The following LPIN1 variants were observed in gnomAD, a reference collection of about 807,000 sequenced individuals.
LPIN1 encodes phosphatidate phosphatase LPIN1.
In LPIN1, 71 loss-of-function variants were observed where a neutral mutation model predicts 107.5. That is an observed-to-expected ratio of 0.66 (90% CI 0.55 to 0.80). The LOEUF (loss-of-function observed/expected upper bound fraction) is 0.80, where lower values mean the gene tolerates loss of function less well. Among genes scored for constraint, LPIN1 ranks in the 30% least tolerant of loss-of-function variants. The pLI, the probability that LPIN1 is intolerant of heterozygous loss-of-function variation, is 0.00. For synonymous variants in LPIN1, 445 were observed against 452.6 expected (o/e 0.98, Z 0.21); for missense variants, 1,043 against 1,160.6 (o/e 0.90, Z 1.47).
chr2:11,813,761 A>G (rs1452795100), intron 17 of LPIN1, among the ~76,000 whole-genome samples: 4 of 152,056 alleles, frequency 2.6e-5, no homozygotes, highest in Non-Finnish European at 5.9e-5. Flanking sequence ...TAAAAAATAC[A>G]AAAATTAGCC....
intron 12 of LPIN1, among the ~76,000 whole-genome samples, chr2:11,789,556 A>G (rs1449866110): frequency 2.1e-5 from 3 of 140,736 alleles, no homozygotes; most frequent in Non-Finnish European, 4.6e-5. Context: ...GTGGATGTGG[A>G]TGTGCACGTG....
At chr2:11,741,763 A>T (rs188370561), upstream of LPIN1, among the ~76,000 whole-genome samples, 272 of 148,758 alleles carry the variant, frequency 1.8e-3, 1 homozygote, top group Middle Eastern at 6.8e-3. Context: ...GTAAGCCGAG[A>T]TCGTGCCACT....
chr2:11,794,154 G>A (rs565935954), intron 13 of LPIN1, among the ~76,000 whole-genome samples: 1 of 152,276 alleles, frequency 6.6e-6, no homozygotes, highest in East Asian at 1.9e-4. Context: ...AAAGGTTACC[G>A]ATAAATGAGT....
rs1355678684 is a variant in LPIN1, at chr2:11,805,400, G to GAGAACAC, written c.2249+248_2249+254dup. ...GAAGTATAGGGGAATTGATTACTAG[G>GAGAACAC]AGAACACAGATGGTGGCAGCATTAG... On this transcript the variant is annotated intron_variant, in intron 17 of 20. Coordinates refer to ENST00000674199, the MANE Select transcript of LPIN1 (RefSeq NM_001349206.2). 10 of 597,050 alleles carry GAGAACAC rather than the reference G, an allele frequency of 1.7e-5. No individual in the cohort carries two copies. The Admixed American group carries it at 2.7e-4, about 16-fold the overall frequency. The allele number at this position is 597,050 out of a possible 1,614,324, so 37.0% of individuals were successfully genotyped here. A position where few individuals can be genotyped will look rare whatever the true frequency, so the allele number is the denominator to read the frequency against.
chr2:11,737,877 C>T (rs975392574), intron 1 of LPIN1, among the ~76,000 whole-genome samples: 4 of 152,172 alleles, frequency 2.6e-5, no homozygotes, highest in Admixed American at 1.3e-4. Flanking sequence ...CCAGCAATCC[C>T]ATTACTGGGT....
At position 11,684,173 on chromosome 2, in the gene LPIN1, C is replaced by T. The variant is rs183135287; in HGVS notation, c.81+6445C>T. Reference sequence around the variant, plus strand: ...GGCTGGCTTCTGGAGCTGGAGCCCCCACCCTTCCCAGTGCCAAGGCTGCTT... The same window carrying T: ...GGCTGGCTTCTGGAGCTGGAGCCCCTACCCTTCCCAGTGCCAAGGCTGCTT... On this transcript the variant is annotated intron_variant, in intron 1 of 21. Coordinates refer to the LPIN1 transcript ENST00000449576. Among the ~76,000 whole-genome samples, 287 of 152,260 alleles carry T rather than the reference C, an allele frequency of 1.9e-3. 1 individual carries two copies. The highest frequency in any genetic ancestry group is 6.4e-3 in the African/African-American group (266 of 41,554).
At chr2:11,703,287 A>T (rs1383800000) in intron 1 of LPIN1, among the ~76,000 whole-genome samples, 1 of 151,732 alleles carries the variant, frequency 6.6e-6, no homozygotes, top group East Asian at 1.9e-4. Flanking sequence ...TGCTGGGGGG[A>T]TTGGAGTAGG....
chr2:11,810,739 T>A (rs923819082), intron 17 of LPIN1, among the ~76,000 whole-genome samples: 6 of 152,190 alleles, frequency 3.9e-5, no homozygotes, highest in Admixed American at 2.0e-4. Flanking sequence ...GCATATCTGA[T>A]GAGGTGGCAT....
At chr2:11,823,850 G>A (rs556750077) in intron 20 of LPIN1, among the ~76,000 whole-genome samples, 9 of 152,174 alleles carry the variant, frequency 5.9e-5, no homozygotes, top group Non-Finnish European at 1.3e-4. Flanking sequence ...GGGAAGCCCT[G>A]CTCTAATTCA....
chr2:11,783,542 G>T (rs1408412436), intron 8 of LPIN1, among the ~76,000 whole-genome samples: 1 of 152,116 alleles, frequency 6.6e-6, no homozygotes, highest in Non-Finnish European at 1.5e-5. Flanking sequence ...CTACAAGTGT[G>T]ACCTCAATCC....
At chr2:11,710,815 T>A (rs1384340318) in intron 1 of LPIN1, among the ~76,000 whole-genome samples, 1 of 152,034 alleles carries the variant, frequency 6.6e-6, no homozygotes, top group East Asian at 1.9e-4. Flanking sequence ...GATGCCAGAA[T>A]CCAAATGGCT....
intron 3 of LPIN1, among the ~76,000 whole-genome samples, chr2:11,768,952 G>T (rs1005339925): frequency 2.0e-5 from 3 of 151,864 alleles, no homozygotes; most frequent in Non-Finnish European, 2.9e-5. Context: ...CAAAAAAAAA[G>T]AAACCAAAAA....
intron 17 of LPIN1, chr2:11,805,460 G>T: frequency 2.0e-6 from 1 of 500,818 alleles, no homozygotes; most frequent in Non-Finnish European, 3.6e-6. Flanking sequence ...CCCGAGGGAT[G>T]GCAGAGGTAG....
At chr2:11,741,238 TA>T in intron 1 of LPIN1, 1 of 692,568 alleles carries the variant, frequency 1.4e-6, no homozygotes, top group Non-Finnish European at 2.4e-6. Flanking sequence ...GCTGTGTCCC[TA>T]AGTTGCTGGG....
chr2:11,768,159 G>A (rs556210702), intron 3 of LPIN1, among the ~76,000 whole-genome samples: 6 of 152,208 alleles, frequency 3.9e-5, no homozygotes, highest in Admixed American at 6.5e-5. Context: ...AGATTACATC[G>A]GTGTGTCAAA....
intron 1 of LPIN1, among the ~76,000 whole-genome samples, chr2:11,691,608 C>G (rs1383678614): frequency 1.3e-5 from 2 of 152,152 alleles, no homozygotes; most frequent in African/African-American, 2.4e-5. Context: ...CTGTTGGAGC[C>G]CGGCTATGTC....
At chr2:11,693,808 A>AT (rs1662411631) in intron 1 of LPIN1, among the ~76,000 whole-genome samples, 9 of 29,456 alleles carry the variant, frequency 3.1e-4, no homozygotes, top group African/African-American at 7.0e-4. Context: ...ATATATATAT[A>AT]TATATATATA....
At chr2:11,761,205 G>A (rs760491028) in intron 1 of LPIN1, among the ~76,000 whole-genome samples, 22 of 152,182 alleles carry the variant, frequency 1.4e-4, no homozygotes, top group South Asian at 6.2e-4. Flanking sequence ...CCAAACACAC[G>A]TTAAAATCTA....
chr2:11,795,276 T>G, intron 13 of LPIN1, 132 bp from the exon 14 acceptor site: 1 of 759,788 alleles, frequency 1.3e-6, no homozygotes, highest in Non-Finnish European at 2.3e-6. Context: ...GGGCGATCGC[T>G]AGGGTGGGCG....
Sources: gnomAD v4.1 joint callset for allele counts (sites outside exome capture counted in the v4.1 genomes callset) on GRCh38, gnomAD v4.1.1 for gene constraint, MANE v1.5 for transcripts, NCBI Gene and HGNC (gene_info 2026-07-23, HGNC 2026-07-21) for gene names.